Variants in ZNF100 observed in about 807,000 individuals in gnomAD.
ZNF100 encodes zinc finger protein 100 (Y1).
A neutral mutation model predicts 15.8 loss-of-function variants in ZNF100; 12 were observed. That is an observed-to-expected ratio of 0.76 (90% CI 0.49 to 1.23). ZNF100 has a LOEUF of 1.23. Among genes scored for constraint, ZNF100 ranks in the 50% most tolerant of loss-of-function variants. The pLI is 0.00. For synonymous variants in ZNF100, 226 were observed against 214.8 expected (o/e 1.05, Z -0.45); for missense variants, 670 against 635.6 (o/e 1.05, Z -0.58).
At chr19:21,748,694 C>A (rs1027109122) in intron 2 of ZNF100, among the ~76,000 whole-genome samples, 5 of 150,578 alleles carry the variant, frequency 3.3e-5, no homozygotes, top group African/African-American at 1.2e-4. Flanking sequence ...AAGAAGTGGG[C>A]AAAGTTTTTT....
chr19:21,730,337 C>T (rs551505573), intron 4 of ZNF100, among the ~76,000 whole-genome samples: 9 of 151,720 alleles, frequency 5.9e-5, no homozygotes, highest in Non-Finnish European at 1.2e-4. Flanking sequence ...ACATAAGCTA[C>T]ATCTTACGTG....
chr19:21,767,310 C>G, intron 1 of ZNF100, 117 bp downstream of exon 1: 1 of 1,570,152 alleles, frequency 6.4e-7, no homozygotes, highest in Non-Finnish European at 8.7e-7. Context: ...CCGAGCTGGG[C>G]AAGGCGCAGA....
At chr19:21,761,283 AT>A (rs1384170179) in intron 2 of ZNF100, among the ~76,000 whole-genome samples, 1 of 152,230 alleles carries the variant, frequency 6.6e-6, no homozygotes, top group East Asian at 1.9e-4. Flanking sequence ...TGTGAAAAAA[AT>A]TTGGAAAATA....
intron 4 of ZNF100, among the ~76,000 whole-genome samples, chr19:21,735,543 TAA>T (rs2035994162): frequency 1.4e-5 from 2 of 146,580 alleles, no homozygotes; most frequent in Admixed American, 1.4e-4. Context: ...GCAAGCTGGT[TAA>T]AGAGTCAACT....
rs985557514 is a variant in ZNF100 at position 21,726,361 on chromosome 19, T to G, written c.*322A>C. 3.5e-6 allele frequency: 1 copy of G among 285,040 alleles called. No individual in the cohort carries two copies. The highest frequency in any genetic ancestry group is 6.5e-6 in the Non-Finnish European group (1 of 153,152). The allele number at this position is 285,040 out of a possible 1,614,324, so 17.7% of individuals were successfully genotyped here. On this transcript the variant is annotated 3_prime_UTR_variant, in exon 5 of 5. Transcript: ENST00000358296. ...AAAGTTTTGTCACACTGTTCACACA[T>G]GTAGAAGTTTTCTCCAGTATAACTT...
At chr19:21,732,647 A>G (rs904359706) in intron 4 of ZNF100, among the ~76,000 whole-genome samples, 16 of 149,692 alleles carry the variant, frequency 1.1e-4, no homozygotes, top group Non-Finnish European at 1.9e-4. Flanking sequence ...TAATATATGT[A>G]AAATATATAA....
chr19:21,745,511 TTC>T (rs1268139255), intron 2 of ZNF100, among the ~76,000 whole-genome samples: 2 of 151,988 alleles, frequency 1.3e-5, no homozygotes, highest in East Asian at 1.9e-4. Flanking sequence ...GTTTCTGAAT[TTC>T]TTTCTTTTTT....
chr19:21,741,682 C>CTT (rs980426388), intron 4 of ZNF100, among the ~76,000 whole-genome samples: 2 of 146,130 alleles, frequency 1.4e-5, no homozygotes, highest in Non-Finnish European at 3.0e-5. Flanking sequence ...GCATGTAAAA[C>CTT]TTTTTTTTTT....
At position 21,723,597 on chromosome 19, in the gene ZNF100, T is replaced by C. The variant is rs1248073563; in HGVS notation, c.*3086A>G. 6.6e-6 allele frequency: 1 copy of C among 152,180 alleles called. No individual in the cohort carries two copies. Among genetic ancestry groups the C allele is most frequent in the Non-Finnish European group, 1.5e-5 (1 of 68,036 alleles). 9.4% of individuals were successfully genotyped at this position (152,180 alleles called of 1,614,324 possible). A position where few individuals can be genotyped will look rare whatever the true frequency, so the allele number is the denominator to read the frequency against. The stretch of plus-strand genomic sequence containing the variant: ...CTTTAAATTCAGCAAGATTCAGCAT[T>C]GCAGCCTGGAAACTATGTCCTCTCC... On this transcript the variant is annotated 3_prime_UTR_variant, in exon 5 of 5. Transcript: ENST00000358296.
In ZNF100 at chr19:21,727,648, G is replaced by C. The variant is rs755791642; in HGVS notation, c.664C>G (p.Gln222Glu). 1.9e-6 allele frequency: 3 copies of C among 1,612,110 alleles called. No individual in the cohort carries two copies. The highest frequency in any genetic ancestry group is 1.7e-5 in the Admixed American group (1 of 59,648). ...KSFCMLLHLT[Q>E]HKRFHITENS... ...TCTGTAATATGAAATCTTTTATGTT[G>C]AGTTAGGTGTAAAAGCATGCAAAAT... Residue 222 changes from glutamine (Q) to glutamate (E), a missense_variant, in exon 5 of 5, where the codon CAA (glutamine) becomes GAA (glutamate). Gln to Glu is a conservative substitution (Grantham distance 29, BLOSUM62 2). Coordinates refer to ENST00000358296, the MANE Select transcript of ZNF100 (RefSeq NM_173531.4).
chr19:21,759,733 C>T (rs2036449835), intron 2 of ZNF100, among the ~76,000 whole-genome samples: 1 of 152,138 alleles, frequency 6.6e-6, no homozygotes, highest in African/African-American at 2.4e-5. Flanking sequence ...TGACGGTTTA[C>T]AAATGCCATG....
chr19:21,749,803 G>T (rs1382561465), intron 2 of ZNF100, among the ~76,000 whole-genome samples: 1 of 152,204 alleles, frequency 6.6e-6, no homozygotes, highest in Non-Finnish European at 1.5e-5. Context: ...GGGGCTTCAA[G>T]ATTTCTACAC....
intron 2 of ZNF100, chr19:21,751,312 T>C: frequency 1.1e-6 from 1 of 903,262 alleles, no homozygotes. Context: ...AGAACAGAGA[T>C]GCAAACAGAT....
intron 2 of ZNF100, among the ~76,000 whole-genome samples, chr19:21,758,571 G>A (rs2036429811): frequency 6.6e-6 from 1 of 152,200 alleles, no homozygotes; most frequent in Non-Finnish European, 1.5e-5. Flanking sequence ...TAGGCTGGTG[G>A]AGAAAACAGG....
At chr19:21,741,682 CTTTTT>C (rs980426388) in intron 4 of ZNF100, among the ~76,000 whole-genome samples, 1 of 146,138 alleles carries the variant, frequency 6.8e-6, no homozygotes, top group Non-Finnish European at 1.5e-5. Flanking sequence ...GCATGTAAAA[CTTTTT>C]TTTTTTTTGA....
At chr19:21,743,911 T>A in intron 4 of ZNF100, 106 bp downstream of exon 4, 150 of 843,582 alleles carry the variant, frequency 1.8e-4, no homozygotes, top group East Asian at 8.5e-4. Context: ...TCCCAGAAAC[T>A]ATTTCCTTTG....
intron 2 of ZNF100, among the ~76,000 whole-genome samples, chr19:21,754,738 A>G (rs1304229696): frequency 6.6e-6 from 1 of 152,162 alleles, no homozygotes; most frequent in African/African-American, 2.4e-5. Context: ...AAGGCATGGG[A>G]AAGACTTCAT....
At chr19:21,750,813 C>A (rs2036293064) in intron 2 of ZNF100, 1 of 426,776 alleles carries the variant, frequency 2.3e-6, no homozygotes, top group Non-Finnish European at 4.1e-6. Context: ...CTAGAGAAGG[C>A]GCCAGCCCCG....
chr19:21,742,803 G>C (rs966711835), intron 4 of ZNF100, among the ~76,000 whole-genome samples: 1 of 151,780 alleles, frequency 6.6e-6, no homozygotes, highest in Non-Finnish European at 1.5e-5. Context: ...TAACATACAA[G>C]TATAAACTAC....
Sources: gnomAD v4.1 joint callset for allele counts (sites outside exome capture counted in the v4.1 genomes callset) on GRCh38, gnomAD v4.1.1 for gene constraint, MANE v1.5 for transcripts, NCBI Gene and HGNC (gene_info 2026-07-23, HGNC 2026-07-21) for gene names.